Variants in ZNF385D observed in about 807,000 individuals in gnomAD.
The protein encoded by ZNF385D is zinc finger protein 385D, also known as zinc finger protein 659.
ZNF385D carries 15 observed loss-of-function variants against 35.8 expected under a neutral mutation model. That is an observed-to-expected ratio of 0.42 (90% CI 0.28 to 0.64). The LOEUF (loss-of-function observed/expected upper bound fraction) is 0.64. Ranked by LOEUF, ZNF385D falls within the 30% of genes least tolerant of loss-of-function variation. The probability of loss-of-function intolerance (pLI) is 0.23; values close to 1 mark genes in which losing one functional copy is unlikely to be tolerated. For synonymous variants in ZNF385D, 212 were observed against 186.8 expected (o/e 1.13, Z -1.10); for missense variants, 474 against 494.6 (o/e 0.96, Z 0.39).
chr3:21,538,674 C>T (rs1224322615), intron 3 of ZNF385D, among the ~76,000 whole-genome samples: 3 of 152,022 alleles, frequency 2.0e-5, no homozygotes, highest in African/African-American at 7.2e-5. Context: ...AAATGTTCTG[C>T]CAACATGTAA....
At chr3:21,671,624 T>C (rs752717305) in intron 1 of ZNF385D, among the ~76,000 whole-genome samples, 3 of 152,122 alleles carry the variant, frequency 2.0e-5, no homozygotes, top group African/African-American at 7.2e-5. Context: ...CTGATACAAA[T>C]AGCTTTTGAA....
At chr3:22,178,046 T>C (rs1204231543) in intron 2 of ZNF385D, among the ~76,000 whole-genome samples, 2 of 152,174 alleles carry the variant, frequency 1.3e-5, no homozygotes, top group Admixed American at 6.6e-5. Flanking sequence ...ATTAAACATA[T>C]GTGTACATGT....
intron 3 of ZNF385D, among the ~76,000 whole-genome samples, chr3:22,135,496 A>G (rs1467696861): frequency 6.6e-6 from 1 of 152,186 alleles, no homozygotes; most frequent in African/African-American, 2.4e-5. Context: ...AAATAAATGG[A>G]GAAACATACA....
intron 2 of ZNF385D, among the ~76,000 whole-genome samples, chr3:21,565,907 A>G (rs559617438): frequency 6.6e-6 from 1 of 152,216 alleles, no homozygotes; most frequent in Non-Finnish European, 1.5e-5. Flanking sequence ...GTGACATATT[A>G]TAGTTCATTA....
At chr3:22,277,553 A>T (rs145146210) in intron 2 of ZNF385D, among the ~76,000 whole-genome samples, 2 of 152,154 alleles carry the variant, frequency 1.3e-5, no homozygotes, top group Admixed American at 6.6e-5. Context: ...AAACGAATTA[A>T]AGCATAAAGT....
intron 3 of ZNF385D, among the ~76,000 whole-genome samples, chr3:21,831,791 A>G (rs2125765006): frequency 6.6e-6 from 1 of 152,200 alleles, no homozygotes; most frequent in Non-Finnish European, 1.5e-5. Context: ...TCAATTCTGG[A>G]TTGTTAGGAT....
intron 3 of ZNF385D, among the ~76,000 whole-genome samples, chr3:21,821,357 A>T (rs1248078476): frequency 1.3e-5 from 2 of 152,212 alleles, no homozygotes; most frequent in South Asian, 2.1e-4. Context: ...TAATACTGGA[A>T]ATTAAGCATT....
intron 2 of ZNF385D, among the ~76,000 whole-genome samples, chr3:21,600,707 GA>G (rs2064260406): frequency 6.6e-6 from 1 of 151,908 alleles, no homozygotes; most frequent in African/African-American, 2.4e-5. Context: ...AGGAAATACA[GA>G]GGAAACGAGC....
At chr3:22,247,355 A>G (rs773929277) in intron 2 of ZNF385D, among the ~76,000 whole-genome samples, 1 of 152,128 alleles carries the variant, frequency 6.6e-6, no homozygotes, top group African/African-American at 2.4e-5. Flanking sequence ...TAGCATGTAA[A>G]TATAACAAAT....
rs1481159310 is a variant in ZNF385D, at chr3:22,091,616, G to C, written c.325+77201C>G. On this transcript the variant is annotated intron_variant, in intron 3 of 5. Coordinates refer to the ZNF385D transcript ENST00000494108. ...AAAAAAAAAGCCCTCTAGGTATGTA[G>C]CTGAAACCCTGACATAAATGGAAAC... Among the ~76,000 whole-genome samples the C allele has an allele frequency of 2.6e-5, 4 of 151,878 alleles. No individual in the cohort carries two copies. The East Asian group carries it at 5.8e-4, about 22-fold the overall frequency.
intron 2 of ZNF385D, among the ~76,000 whole-genome samples, chr3:22,169,910 T>G (rs1004492430): frequency 2.6e-5 from 4 of 152,182 alleles, no homozygotes; most frequent in Non-Finnish European, 5.9e-5. Context: ...TCCCCCCACT[T>G]TAGCCTACTA....
chr3:21,945,638 A>G (rs1292070987), intron 3 of ZNF385D, among the ~76,000 whole-genome samples: 3 of 152,194 alleles, frequency 2.0e-5, no homozygotes, highest in Non-Finnish European at 2.9e-5. Context: ...TTTATCTTCA[A>G]AAACTTATTT....
At chr3:22,064,977 T>C (rs1014255599) in intron 3 of ZNF385D, among the ~76,000 whole-genome samples, 11 of 152,220 alleles carry the variant, frequency 7.2e-5, no homozygotes, top group African/African-American at 2.7e-4. Context: ...AATTATATTA[T>C]GACGGTATAA....
chr3:21,805,718 G>A (rs1181866692), intron 3 of ZNF385D, among the ~76,000 whole-genome samples: 2 of 152,132 alleles, frequency 1.3e-5, no homozygotes, highest in African/African-American at 2.4e-5. Flanking sequence ...TAGCAACACT[G>A]ACAAGACTGG....
intron 3 of ZNF385D, among the ~76,000 whole-genome samples, chr3:22,142,359 C>T (rs950993812): frequency 3.9e-5 from 6 of 152,100 alleles, no homozygotes; most frequent in Middle Eastern, 3.2e-3. Context: ...TCGATATTAT[C>T]TCCATAGCTC....
Position 22,002,284 on chromosome 3 carries a change from C to T in ZNF385D, c.325+166533G>A, listed in dbSNP as rs577968683. On this transcript the variant is annotated intron_variant, in intron 3 of 5. Transcript: ENST00000494108. ...CATTACAACTGATATCACAGAAATA[C>T]GAAGAAACATTAGAGGATATGATGA... Among the ~76,000 whole-genome samples, 75 of 151,846 alleles carry T rather than the reference C, an allele frequency of 4.9e-4. 1 individual carries two copies. Among genetic ancestry groups the T allele is most frequent in the South Asian group, 6.2e-4 (3 of 4,806 alleles).
At chr3:22,030,279 A>ATATATATATATATATATATATG (rs1697883540) in intron 3 of ZNF385D, among the ~76,000 whole-genome samples, 2 of 110,496 alleles carry the variant, frequency 1.8e-5, no homozygotes, top group African/African-American at 8.2e-5. Flanking sequence ...ATATATATAT[A>ATATATATATATATATATATATG]TATATATATA....
intron 3 of ZNF385D, among the ~76,000 whole-genome samples, chr3:22,109,569 G>C (rs1429498748): frequency 1.3e-5 from 2 of 152,182 alleles, no homozygotes; most frequent in Non-Finnish European, 2.9e-5. Flanking sequence ...CTCAGATGAA[G>C]AAGTGAAGGT....
intron 2 of ZNF385D, among the ~76,000 whole-genome samples, chr3:22,293,313 T>C (rs1292375600): frequency 6.6e-6 from 1 of 152,128 alleles, no homozygotes; most frequent in Non-Finnish European, 1.5e-5. Flanking sequence ...TGTCCTTTAC[T>C]CATCTCAATT....
Sources: allele counts gnomAD v4.1 joint callset (sites outside exome capture counted in the v4.1 genomes callset), GRCh38; gene constraint gnomAD v4.1.1; transcripts MANE v1.5; gene names NCBI Gene and HGNC (gene_info 2026-07-23, HGNC 2026-07-21).